Variants in SPECC1 observed in about 807,000 individuals in gnomAD.
The protein encoded by SPECC1 is sperm antigen with calponin homology and coiled-coil domains 1.
SPECC1 carries 62 observed loss-of-function variants against 104.1 expected under a neutral mutation model. The observed-to-expected ratio is 0.60, with a 90% CI of 0.49 to 0.74. SPECC1 has a LOEUF of 0.74. Among genes scored for constraint, SPECC1 ranks in the 30% least tolerant of loss-of-function variants. The probability of loss-of-function intolerance (pLI) is 0.00; values close to 1 mark genes in which losing one functional copy is unlikely to be tolerated. For missense variants in SPECC1, 1,306 were observed against 1,310.5 expected, an observed-to-expected ratio of 1.00 and a Z score of 0.05; for synonymous variants, 513 against 501.6, an observed-to-expected ratio of 1.02 and a Z score of -0.30.
intron 1 of SPECC1, chr17:20,017,410 A>C (rs1325076498): frequency 6.5e-6 from 1 of 153,790 alleles, no homozygotes; most frequent in Admixed American, 6.5e-5. Flanking sequence ...GAGACTACGA[A>C]CCCACCAGAA....
At chr17:20,238,654 G>A (rs2039051846) in intron 7 of SPECC1, 2 of 1,039,834 alleles carry the variant, frequency 1.9e-6, no homozygotes, top group Admixed American at 5.6e-5. Context: ...TTAGATACTT[G>A]TGAATAGGAC....
chr17:20,173,955 G>A (rs866012170), intron 3 of SPECC1, among the ~76,000 whole-genome samples: 2 of 151,400 alleles, frequency 1.3e-5, no homozygotes, highest in East Asian at 1.9e-4. Flanking sequence ...TTGTGGAGAC[G>A]GAGTTTTGCT....
At chr17:20,292,899 G>A (rs1198662731) in intron 12 of SPECC1, among the ~76,000 whole-genome samples, 1 of 152,206 alleles carries the variant, frequency 6.6e-6, no homozygotes, top group Non-Finnish European at 1.5e-5. Context: ...CCTCGCTGGG[G>A]AAATGTAACT....
rs192634375 is a variant in SPECC1 at position 20,087,496 on chromosome 17, G to C, written c.-21-9135G>C. The stretch of plus-strand genomic sequence containing the variant: ...GGAGAAGGATTGTCATTGCCTTCCA[G>C]TTCTCTTTTGTGCTTGCCCGTTAAT... On this transcript the variant is annotated intron_variant, in intron 1 of 14. Transcript: ENST00000395527. Among the ~76,000 whole-genome samples, 5 of 152,218 alleles carry C rather than the reference G, an allele frequency of 3.3e-5. No homozygotes were observed. The East Asian group carries it at 9.7e-4, about 29-fold the overall frequency.
intron 3 of SPECC1, among the ~76,000 whole-genome samples, chr17:20,168,212 T>A (rs2033816960): frequency 6.6e-6 from 1 of 152,206 alleles, no homozygotes; most frequent in South Asian, 2.1e-4. Flanking sequence ...GTAGATGCTC[T>A]CCTTAACTGA....
intron 7 of SPECC1, among the ~76,000 whole-genome samples, chr17:20,239,878 GTTTTTTTTTTTTTTT>G (rs60216339): frequency 1.9e-4 from 7 of 36,912 alleles, no homozygotes; most frequent in African/African-American, 7.3e-4. Flanking sequence ...ATTTCGCTGA[GTTTTTTTTTTTTTTT>G]TTTTTTTTTT....
intron 3 of SPECC1, among the ~76,000 whole-genome samples, chr17:20,120,566 A>G (rs1472094069): frequency 6.6e-6 from 1 of 152,216 alleles, no homozygotes; most frequent in Non-Finnish European, 1.5e-5. Flanking sequence ...ATTTCTTTTC[A>G]CAGGAAATCA....
intron 11 of SPECC1, among the ~76,000 whole-genome samples, chr17:20,258,803 A>G (rs1211573450): frequency 2.6e-5 from 4 of 152,240 alleles, no homozygotes; most frequent in Admixed American, 2.0e-4. Context: ...CACCTGGCAC[A>G]TTGACATATC....
At chr17:20,238,223 A>G (rs2039024941) in intron 7 of SPECC1, 13 of 1,040,096 alleles carry the variant, frequency 1.2e-5, no homozygotes, top group Non-Finnish European at 1.4e-5. Context: ...CAATGGCAAT[A>G]GAAATCTAAT....
intron 3 of SPECC1, among the ~76,000 whole-genome samples, chr17:20,121,586 C>T (rs559424152): frequency 2.3e-4 from 35 of 152,318 alleles, no homozygotes; most frequent in African/African-American, 6.7e-4. Flanking sequence ...GCCTTGGCCT[C>T]CCAAAGTGCT....
intron 12 of SPECC1, among the ~76,000 whole-genome samples, chr17:20,287,755 T>G (rs1483035432): frequency 6.6e-6 from 1 of 152,008 alleles, no homozygotes; most frequent in Non-Finnish European, 1.5e-5. Context: ...TAGCTTTTTT[T>G]TTTTGTTTTA....
At chr17:20,171,581 G>A (rs927710407) in intron 3 of SPECC1, among the ~76,000 whole-genome samples, 3 of 151,492 alleles carry the variant, frequency 2.0e-5, no homozygotes, top group African/African-American at 4.9e-5. Context: ...AGAGTCTTGC[G>A]TTGTCACCCA....
intron 3 of SPECC1, among the ~76,000 whole-genome samples, chr17:20,150,585 G>GC (rs2031916073): frequency 6.6e-6 from 1 of 151,506 alleles, no homozygotes; most frequent in East Asian, 2.0e-4. Flanking sequence ...GTTGCAGTGA[G>GC]CCGAGATCGC....
intron 12 of SPECC1, among the ~76,000 whole-genome samples, chr17:20,265,536 A>G (rs774451209): frequency 3.9e-5 from 6 of 152,090 alleles, no homozygotes; most frequent in Non-Finnish European, 7.4e-5. Context: ...TTCCCATTCT[A>G]TGGGTTGTCT....
chr17:20,179,184 A>G (rs1282119795), intron 3 of SPECC1, among the ~76,000 whole-genome samples: 18 of 152,276 alleles, frequency 1.2e-4, no homozygotes, highest in Admixed American at 1.2e-3. Context: ...CACTGCAGCC[A>G]GGGACAGCGC....
intron 13 of SPECC1, among the ~76,000 whole-genome samples, chr17:20,304,477 C>T (rs533254478): frequency 6.6e-6 from 1 of 152,114 alleles, no homozygotes; most frequent in African/African-American, 2.4e-5. Flanking sequence ...CAGAGAATAG[C>T]CAGGAAGAGT....
chr17:20,225,005 A>T (rs902333887), intron 4 of SPECC1, among the ~76,000 whole-genome samples: 1 of 152,182 alleles, frequency 6.6e-6, no homozygotes, highest in African/African-American at 2.4e-5. Context: ...TCAGCAGGTG[A>T]TGAATGCTGC....
At chr17:20,252,232 C>T (rs2039659916) in intron 9 of SPECC1, among the ~76,000 whole-genome samples, 1 of 151,970 alleles carries the variant, frequency 6.6e-6, no homozygotes, top group African/African-American at 2.4e-5. Flanking sequence ...ACTAGAAGCA[C>T]AATATTGTAT....
chr17:20,138,242 A>G (rs1395033174), intron 3 of SPECC1, among the ~76,000 whole-genome samples: 1 of 152,102 alleles, frequency 6.6e-6, no homozygotes, highest in Non-Finnish European at 1.5e-5. Context: ...GATTACAGGC[A>G]TGAGCCACCA....
Sources: allele counts gnomAD v4.1 joint callset (sites outside exome capture counted in the v4.1 genomes callset), GRCh38; gene constraint gnomAD v4.1.1; transcripts MANE v1.5; gene names NCBI Gene and HGNC (gene_info 2026-07-23, HGNC 2026-07-21).